SVOPL: variants seen among roughly 807,000 people sequenced by gnomAD.
SVOPL encodes the protein putative transporter SVOPL.
A neutral mutation model predicts 61.0 loss-of-function variants in SVOPL; 60 were observed. That is an observed-to-expected ratio of 0.98 (90% CI 0.80 to 1.22). SVOPL has a LOEUF of 1.22. Among genes scored for constraint, SVOPL ranks in the 50% most tolerant of loss-of-function variants. SVOPL has a pLI of 0.00. For synonymous variants in SVOPL, 279 were observed against 250.0 expected (o/e 1.12, Z -1.09); for missense variants, 662 against 643.9 (o/e 1.03, Z -0.30).
At chr7:138,676,825 T>C (rs1372771848) in intron 3 of SVOPL, among the ~76,000 whole-genome samples, 1 of 151,722 alleles carries the variant, frequency 6.6e-6, no homozygotes, top group East Asian at 1.9e-4. Context: ...ACACAAATGC[T>C]CACTTGCTTT....
chr7:138,609,057 TA>T (rs372008679), intron 14 of SVOPL, among the ~76,000 whole-genome samples: 1 of 152,054 alleles, frequency 6.6e-6, no homozygotes, highest in Non-Finnish European at 1.5e-5. Context: ...GTGGGCAAGC[TA>T]AAAAAGATAA....
intron 9 of SVOPL, among the ~76,000 whole-genome samples, chr7:138,632,001 C>G (rs1446223147): frequency 6.6e-6 from 1 of 151,360 alleles, no homozygotes; most frequent in Non-Finnish European, 1.5e-5. Flanking sequence ...CACCCCTACA[C>G]CCCACCTGGT....
intron 1 of SVOPL, among the ~76,000 whole-genome samples, chr7:138,686,330 G>T (rs1035122254): frequency 6.6e-6 from 1 of 151,334 alleles, no homozygotes; most frequent in Non-Finnish European, 1.5e-5. Flanking sequence ...TTGAACCCCG[G>T]GGGGGGCGGA....
chr7:138,661,634 G>A lies in SVOPL; in HGVS notation c.345+1440C>T, dbSNP rs889182242. The A allele has an allele frequency of 2.1e-5, 21 of 980,354 alleles. No individual in the cohort carries two copies. The African/African-American group carries it at 3.3e-4, about 16-fold the overall frequency. The allele number at this position is 980,354 out of a possible 1,614,324, so 60.7% of individuals were successfully genotyped here. On this transcript the variant is annotated intron_variant, in intron 5 of 15. Coordinates refer to ENST00000674285, the MANE Select transcript of SVOPL (RefSeq NM_001139456.2). ...CATTATCTCCATGTTTTTAGATTTT[G>A]TGACACCAAGAAAGATGTAGAATCA...
chr7:138,663,405 G>C (rs1043030023), intron 4 of SVOPL: 1 of 1,364,152 alleles, frequency 7.3e-7, no homozygotes, highest in Admixed American at 3.1e-5. Flanking sequence ...GTTGCTAGAG[G>C]ACGGCTTCGG....
At chr7:138,612,459 A>AAAAAAAAAAAT (rs1799094466) in intron 14 of SVOPL, among the ~76,000 whole-genome samples, 1 of 19,792 alleles carries the variant, frequency 5.1e-5, no homozygotes, top group Non-Finnish European at 1.5e-4. Flanking sequence ...AAAAAAAAAA[A>AAAAAAAAAAAT]AAAAGAAAGA....
intron 9 of SVOPL, among the ~76,000 whole-genome samples, chr7:138,641,445 C>T (rs992248917): frequency 5.3e-5 from 8 of 151,786 alleles, no homozygotes; most frequent in East Asian, 3.9e-4. Flanking sequence ...CCGAGGAGGG[C>T]GGATCACCTG....
chr7:138,641,834 A>ATATGTTATATAT (rs1554464902), intron 9 of SVOPL, among the ~76,000 whole-genome samples: 1 of 29,492 alleles, frequency 3.4e-5, no homozygotes, highest in East Asian at 1.3e-3. Context: ...ATATATATAT[A>ATATGTTATATAT]ACATATATAT....
In SVOPL at chr7:138,612,046, C is replaced by T. The variant is rs1262690136; in HGVS notation, c.1353+9000G>A. Among the ~76,000 whole-genome samples, 8 of 27,834 alleles carry T rather than the reference C, an allele frequency of 2.9e-4. 2 individuals are homozygous for T. The highest frequency in any genetic ancestry group is 2.0e-3 in the Admixed American group (3 of 1,528). The allele number at this position is 27,834 out of a possible 152,430, so 18.3% of individuals were successfully genotyped here. A position where few individuals can be genotyped will look rare whatever the true frequency, so the allele number is the denominator to read the frequency against. ...ATGGGAGACTTTTCATTTTGTTCTG[C>T]ACTAAGAAAAATTCCTCTGTCTTGG... On this transcript the variant is annotated intron_variant, in intron 14 of 15. Coordinates refer to ENST00000674285, the MANE Select transcript of SVOPL (RefSeq NM_001139456.2).
chr7:138,631,656 C>A (rs1041967329), intron 9 of SVOPL, among the ~76,000 whole-genome samples: 1 of 152,116 alleles, frequency 6.6e-6, no homozygotes, highest in Non-Finnish European at 1.5e-5. Flanking sequence ...GCAACCCCTG[C>A]CTCCCAGGTT....
chr7:138,632,496 C>T (rs555280205), intron 9 of SVOPL, among the ~76,000 whole-genome samples: 17 of 151,670 alleles, frequency 1.1e-4, no homozygotes, highest in African/African-American at 3.4e-4. Flanking sequence ...GGATGGGGGC[C>T]GCAAGCTGAA....
chr7:138,613,721 T>C (rs1799160716), intron 14 of SVOPL, among the ~76,000 whole-genome samples: 1 of 152,184 alleles, frequency 6.6e-6, no homozygotes, highest in African/African-American at 2.4e-5. Context: ...TAATTGCATA[T>C]TGATAAAGTA....
At chr7:138,595,420 G>C (rs113484613) in intron 15 of SVOPL, among the ~76,000 whole-genome samples, 9,299 of 152,130 alleles carry the variant, frequency 0.061, 342 homozygotes, top group African/African-American at 0.095. Flanking sequence ...TGTTTAAAAG[G>C]CTATAAACAA....
At chr7:138,654,321 T>TA (rs1373150109) in intron 7 of SVOPL, among the ~76,000 whole-genome samples, 1 of 152,154 alleles carries the variant, frequency 6.6e-6, no homozygotes, top group Non-Finnish European at 1.5e-5. Context: ...ATGTATATCC[T>TA]AATTATCCTG....
At chr7:138,628,844 G>A (rs1800022072) in intron 10 of SVOPL, among the ~76,000 whole-genome samples, 2 of 152,014 alleles carry the variant, frequency 1.3e-5, no homozygotes, top group South Asian at 4.1e-4. Flanking sequence ...TATGTTTTTG[G>A]TGAGGCGCCT....
At chr7:138,621,533 G>A (rs1799562712) in intron 13 of SVOPL, among the ~76,000 whole-genome samples, 1 of 152,132 alleles carries the variant, frequency 6.6e-6, no homozygotes, top group Non-Finnish European at 1.5e-5. Context: ...ATACAGCTAA[G>A]AGAACTAACT....
intron 8 of SVOPL, among the ~76,000 whole-genome samples, chr7:138,645,166 C>G (rs1218299068): frequency 6.6e-6 from 1 of 152,020 alleles, no homozygotes; most frequent in Non-Finnish European, 1.5e-5. Flanking sequence ...GCGGGCACCC[C>G]TCTCCACCCC....
intron 14 of SVOPL, chr7:138,597,354 T>C (rs1798322845): frequency 1.7e-6 from 1 of 582,960 alleles, no homozygotes; most frequent in East Asian, 7.6e-5. Context: ...GTGACTAGTC[T>C]CAGTAATTAC....
chr7:138,674,297 C>T (rs916506982), intron 3 of SVOPL, among the ~76,000 whole-genome samples: 6 of 151,846 alleles, frequency 4.0e-5, no homozygotes, highest in Non-Finnish European at 5.9e-5. Context: ...TTATATACAC[C>T]GTCACACGAG....
Sources: allele counts gnomAD v4.1 joint callset (sites outside exome capture counted in the v4.1 genomes callset), GRCh38; gene constraint gnomAD v4.1.1; transcripts MANE v1.5; gene names NCBI Gene and HGNC (gene_info 2026-07-23, HGNC 2026-07-21).